The following RAE1 variants were observed in gnomAD, a reference collection of about 807,000 sequenced individuals.
RAE1 encodes the protein mRNA export factor RAE1.
Under a neutral mutation model 52.7 loss-of-function variants are expected in RAE1, and 13 were observed. The observed-to-expected ratio is 0.25, with a 90% CI of 0.16 to 0.39. The LOEUF (loss-of-function observed/expected upper bound fraction) is 0.39. Ranked by LOEUF, RAE1 falls within the 10% of genes least tolerant of loss-of-function variation. The pLI, the probability that RAE1 is intolerant of heterozygous loss-of-function variation, is 1.00. For synonymous variants in RAE1, 164 were observed against 153.1 expected (o/e 1.07, Z -0.52); for missense variants, 262 against 459.8 (o/e 0.57, Z 3.93).
chr20:57,368,882 G>T, intron 8 of RAE1, 70 bp downstream of exon 8: 1 of 1,252,918 alleles, frequency 8.0e-7, no homozygotes, highest in Non-Finnish European at 1.1e-6. Flanking sequence ...CTCACATCTG[G>T]AATACAGTTG....
intron 5 of RAE1, 142 bp downstream of exon 5, chr20:57,365,584 C>A (rs1371662842): frequency 5.5e-6 from 3 of 541,846 alleles, no homozygotes; most frequent in Non-Finnish European, 9.2e-6. Flanking sequence ...ATAACAGAAA[C>A]CTCTTTAGCA....
chr20:57,366,981 A>G (rs562215471), intron 6 of RAE1, 27 bp from the exon 7 acceptor site: 4 of 1,595,922 alleles, frequency 2.5e-6, no homozygotes, highest in Non-Finnish European at 2.6e-6. Flanking sequence ...GAATGGTCAC[A>G]TACTGGCTTC....
In RAE1 at chr20:57,376,726, C is replaced by T. The variant is rs1055426564; in HGVS notation, c.1021-1287C>T. On this transcript the variant is annotated intron_variant, in intron 11 of 11. Coordinates refer to ENST00000395841, the MANE Select transcript of RAE1 (RefSeq NM_003610.4). ...CTGTGGCGTGCGTGGAGCCCGAGGC[C>T]TCAGCTCCCACATCGGGCTCTTCAT... Among the ~76,000 whole-genome samples, 4 of 152,248 alleles carry T rather than the reference C, an allele frequency of 2.6e-5. No individual in the cohort carries two copies. In the South Asian group the frequency reaches 8.3e-4, roughly 32 times the overall value.
chr20:57,354,606 C>G, intron 2 of RAE1, 106 bp from the exon 3 acceptor site: 1 of 723,756 alleles, frequency 1.4e-6, no homozygotes. Context: ...TCAGTTAGTT[C>G]TTGTACACAA....
At chr20:57,357,684 G>A (rs1402043119) in intron 4 of RAE1, 2 of 152,154 alleles carry the variant, frequency 1.3e-5, no homozygotes, top group Non-Finnish European at 2.9e-5. Flanking sequence ...CATTTATTAT[G>A]ATAATATTCA....
chr20:57,363,715 GTAATAACACA>G, intron 4 of RAE1, among the ~76,000 whole-genome samples: 1 of 152,088 alleles, frequency 6.6e-6, no homozygotes, highest in East Asian at 1.9e-4. Context: ...TAAAATGAAG[GTAATAACACA>G]TAATAACATT....
Position 57,378,890 on chromosome 20 carries a change from C to T in RAE1, c.*791C>T, listed in dbSNP as rs1194603640. On this transcript the variant is annotated 3_prime_UTR_variant, in exon 12 of 12. Transcript: ENST00000395841. ...AATTGCCCTGAACTCTTACCCACCCCGGTCCCCTGCATGGGAATTGCCCTG... is the reference window on the plus strand; with the variant it reads ...AATTGCCCTGAACTCTTACCCACCCTGGTCCCCTGCATGGGAATTGCCCTG... 5 of 152,104 alleles carry T rather than the reference C, an allele frequency of 3.3e-5. No individual in the cohort carries two copies. The highest frequency in any genetic ancestry group is 7.2e-5 in the African/African-American group (3 of 41,400). The allele number at this position is 152,104 out of a possible 1,614,324, so 9.4% of individuals were successfully genotyped here.
chr20:57,360,316 A>C (rs2066873859), intron 4 of RAE1, among the ~76,000 whole-genome samples: 1 of 152,114 alleles, frequency 6.6e-6, no homozygotes, highest in Non-Finnish European at 1.5e-5. Flanking sequence ...ATTTCTTGCC[A>C]CCTCATGGGC....
intron 8 of RAE1, among the ~76,000 whole-genome samples, chr20:57,369,685 CCTAG>C (rs2146167413): frequency 6.6e-6 from 1 of 152,324 alleles, no homozygotes; most frequent in East Asian, 1.9e-4. Context: ...CTGCATCATG[CCTAG>C]ATGCTTGCTA....
chr20:57,355,279 G>C (rs2066768352), intron 3 of RAE1, among the ~76,000 whole-genome samples: 1 of 152,060 alleles, frequency 6.6e-6, no homozygotes, highest in Admixed American at 6.5e-5. Context: ...AGAAAACTCT[G>C]GTAGAAAAAT....
chr20:57,368,794 A>C lies in RAE1; in HGVS notation c.624A>C (p.Glu208Asp), dbSNP rs1213102119. ...AACCTTCTGAATTCAGGAGGATAGAATCTCCACTGAAACATCAGGTGCGTC... is the reference window on the plus strand; with the variant it reads ...AACCTTCTGAATTCAGGAGGATAGACTCTCCACTGAAACATCAGGTGCGTC... ...ENQPSEFRRIESPLKHQHRCV... is the reference protein window; with the variant it reads ...ENQPSEFRRIDSPLKHQHRCV... The change falls in exon 8 of 12, where the codon GAA (glutamate) becomes GAC (aspartate). Residue 208 changes from glutamate to aspartate, a missense_variant. Coordinates refer to ENST00000395841, the MANE Select transcript of RAE1 (RefSeq NM_003610.4). 1.9e-6 allele frequency: 3 copies of C among 1,612,004 alleles called. No homozygotes were observed. Among genetic ancestry groups the C allele is most frequent in the African/African-American group, 2.7e-5 (2 of 74,892 alleles).
At chr20:57,376,708 G>A (rs928508885) in intron 11 of RAE1, among the ~76,000 whole-genome samples, 2 of 152,184 alleles carry the variant, frequency 1.3e-5, no homozygotes, top group East Asian at 1.9e-4. Context: ...AGGCTGTGGC[G>A]TGCGTGGAGC....
chr20:57,360,983 C>T (rs1440907364), intron 4 of RAE1, among the ~76,000 whole-genome samples: 2 of 152,104 alleles, frequency 1.3e-5, no homozygotes, highest in African/African-American at 4.8e-5. Context: ...AGGACCAAAC[C>T]TATCTATAAG....
chr20:57,365,331 C>T (rs2066939688), intron 4 of RAE1, 25 bp from the exon 5 acceptor site: 1 of 1,553,892 alleles, frequency 6.4e-7, no homozygotes, highest in South Asian at 1.2e-5. Context: ...TCTTAAAATG[C>T]AAAATTTTCT....
chr20:57,353,188 G>A (rs1471542949), intron 1 of RAE1, among the ~76,000 whole-genome samples: 1 of 152,160 alleles, frequency 6.6e-6, no homozygotes, highest in East Asian at 1.9e-4. Flanking sequence ...GTAACTCCTC[G>A]GGGAGTTGGA....
chr20:57,367,568 C>T (rs550324648), intron 7 of RAE1, among the ~76,000 whole-genome samples: 2 of 152,000 alleles, frequency 1.3e-5, no homozygotes, highest in South Asian at 4.2e-4. Flanking sequence ...CATGGTGAAA[C>T]CCCATCTCTA....
At position 57,373,593 on chromosome 20, in the gene RAE1, T is replaced by C. The variant is rs1350509321; in HGVS notation, c.749+12T>C. On this transcript the variant is annotated intron_variant, in intron 9 of 11. Coordinates refer to ENST00000395841, the MANE Select transcript of RAE1 (RefSeq NM_003610.4). The stretch of plus-strand genomic sequence containing the variant: ...AACCCCCCGAACCCGTAAGTGTGAC[T>C]CTGTCAGCTTGCAGATTTCACTGGA... 2 of 1,613,400 alleles carry C rather than the reference T, an allele frequency of 1.2e-6. No individual in the cohort carries two copies. Among genetic ancestry groups the C allele is most frequent in the South Asian group, 2.2e-5 (2 of 91,058 alleles).
chr20:57,362,786 T>TTTTGTTTG, intron 4 of RAE1, among the ~76,000 whole-genome samples: 1 of 151,972 alleles, frequency 6.6e-6, no homozygotes, highest in Admixed American at 6.6e-5. Context: ...AGAGGTAAAT[T>TTTTGTTTG]TTTGTTTGTT....
Position 57,378,029 on chromosome 20 carries a change from A to G in RAE1, c.1037A>G (p.Asn346Ser). 6.2e-7 allele frequency: 1 copy of G among 1,611,270 alleles called. No homozygotes were observed. The highest frequency in any genetic ancestry group is 8.5e-7 in the Non-Finnish European group (1 of 1,177,588). ...TCTCTTTAGGGACATGAATTTTATA[A>G]TCCCCAGAAAAAAAATTACATTTTC... ...YDWSKGHEFY[N>S]PQKKNYIFLR... The change falls in exon 12 of 12, where the codon AAT becomes AGT. Residue 346 changes from asparagine (N) to serine (S), a missense_variant. By Grantham distance (46) the Asn-to-Ser change is conservative (BLOSUM62 1). Transcript: ENST00000395841.
Sources: allele counts gnomAD v4.1 joint callset (sites outside exome capture counted in the v4.1 genomes callset), GRCh38; gene constraint gnomAD v4.1.1; transcripts MANE v1.5; gene names NCBI Gene and HGNC (gene_info 2026-07-23, HGNC 2026-07-21).